CMIP: variants seen among roughly 807,000 people sequenced by gnomAD.
CMIP encodes C-Maf-inducing protein.
Under a neutral mutation model 97.3 loss-of-function variants are expected in CMIP, and 13 were observed. That is an observed-to-expected ratio of 0.13 (90% confidence interval 0.09 to 0.21). The LOEUF is 0.21. CMIP is among the 10% of genes least tolerant of loss of function. The pLI is 1.00. For missense variants in CMIP, 847 were observed against 1,024.9 expected (o/e 0.83, Z 2.37); for synonymous variants, 538 against 436.3 (o/e 1.23, Z -2.91).
intron 6 of CMIP, among the ~76,000 whole-genome samples, chr16:81,663,299 TA>T (rs34171718): frequency 1.4e-4 from 20 of 144,394 alleles, no homozygotes; most frequent in Non-Finnish European, 1.7e-4. Flanking sequence ...TATTCAGCAC[TA>T]AAAAAAAAAA....
At chr16:81,485,187 A>G (rs1249176607) in intron 1 of CMIP, among the ~76,000 whole-genome samples, 1 of 152,190 alleles carries the variant, frequency 6.6e-6, no homozygotes, top group Non-Finnish European at 1.5e-5. Flanking sequence ...AGAATGTATT[A>G]AGCTACTTTC....
intron 1 of CMIP, among the ~76,000 whole-genome samples, chr16:81,603,233 C>G (rs887236953): frequency 1.3e-5 from 2 of 152,158 alleles, no homozygotes; most frequent in African/African-American, 4.8e-5. Context: ...GCACCCGCCA[C>G]CACGCCTGGC....
At chr16:81,568,039 GTTTTTTTTTTTT>G (rs1555531346) in intron 1 of CMIP, among the ~76,000 whole-genome samples, 4 of 82,546 alleles carry the variant, frequency 4.8e-5, no homozygotes, top group Non-Finnish European at 9.2e-5. Context: ...GTGTGTGTGT[GTTTTTTTTTTTT>G]TTTTTTTTTG....
intron 1 of CMIP, among the ~76,000 whole-genome samples, chr16:81,505,032 A>C (rs2966094): frequency 0.74 from 112,152 of 152,250 alleles, 42,189 homozygotes; most frequent in African/African-American, 0.88. Context: ...GCAGCTGCTC[A>C]ACACACCTGA....
intron 1 of CMIP, among the ~76,000 whole-genome samples, chr16:81,547,950 C>T (rs1016295299): frequency 3.9e-5 from 6 of 152,192 alleles, no homozygotes; most frequent in South Asian, 2.1e-4. Context: ...AACTCGCAGC[C>T]TCTGATCCCA....
intron 1 of CMIP, among the ~76,000 whole-genome samples, chr16:81,561,792 C>T (rs1423050197): frequency 6.6e-6 from 1 of 152,180 alleles, no homozygotes; most frequent in Admixed American, 6.5e-5. Context: ...TTAATTGAAG[C>T]AATAAAGTTG....
chr16:81,639,788 T>C (rs1029664744), intron 3 of CMIP, among the ~76,000 whole-genome samples: 2 of 152,158 alleles, frequency 1.3e-5, no homozygotes, highest in Non-Finnish European at 1.5e-5. Flanking sequence ...CCAACACCAG[T>C]CTGATGGGAT....
In CMIP at chr16:81,652,085, A is replaced by C; in HGVS notation, c.478-118A>C. The C allele has an allele frequency of 2.7e-6, 2 of 744,910 alleles. No homozygotes were observed. Among genetic ancestry groups the C allele is most frequent in the Non-Finnish European group, 4.4e-6 (2 of 455,480 alleles). 46.1% of individuals were successfully genotyped at this position (744,910 alleles called of 1,614,324 possible). A position where few individuals can be genotyped will look rare whatever the true frequency, so the allele number is the denominator to read the frequency against. ...TTCCTTATAAACGGGGACTGGGCCA[A>C]GTTGTCAGTTTCTCAGGGCCCTTTA... On this transcript the variant is annotated intron_variant, in intron 3 of 20. Transcript: ENST00000537098. This position sits in a 1 kb window ranked among gnomAD's most constrained non-coding sequence, Gnocchi z 5.2.
At chr16:81,607,274 C>T (rs974337961) in intron 1 of CMIP, among the ~76,000 whole-genome samples, 3 of 152,218 alleles carry the variant, frequency 2.0e-5, no homozygotes, top group South Asian at 2.1e-4. Flanking sequence ...GCTGGCCCCG[C>T]GGATACCAAG....
intron 3 of CMIP, chr16:81,645,530 G>T (rs2092354683): frequency 1.3e-6 from 2 of 1,535,992 alleles, no homozygotes; most frequent in Non-Finnish European, 1.7e-6. Flanking sequence ...GCTTTCCCTG[G>T]CCTGAGAACC....
intron 10 of CMIP, among the ~76,000 whole-genome samples, chr16:81,687,920 A>G (rs1008813467): frequency 1.3e-5 from 2 of 152,210 alleles, no homozygotes; most frequent in Non-Finnish European, 2.9e-5. Context: ...GTGAATTGCC[A>G]TACTGCTCCT....
At position 81,611,765 on chromosome 16, in the gene CMIP, A is replaced by T. The variant is rs563370005; in HGVS notation, c.426+4073A>T. The stretch of plus-strand genomic sequence containing the variant: ...TCTGTCTTCTAAGGAGCTCTTTGTA[A>T]AACTCTTACTTTGTTAGAATTTGAA... On this transcript the variant is annotated intron_variant, in intron 2 of 20. Coordinates refer to ENST00000537098, the MANE Select transcript of CMIP (RefSeq NM_198390.3). Among the ~76,000 whole-genome samples the T allele has an allele frequency of 2.6e-5, 4 of 152,112 alleles. 1 individual carries two copies. In the East Asian group the frequency reaches 7.8e-4, roughly 29 times the overall value.
intron 1 of CMIP, among the ~76,000 whole-genome samples, chr16:81,542,154 A>G (rs2090461286): frequency 6.6e-6 from 1 of 152,212 alleles, no homozygotes; most frequent in South Asian, 2.1e-4. Flanking sequence ...GTAGATGCTG[A>G]GAGGCAGACT....
chr16:81,525,088 G>A (rs962565241), intron 1 of CMIP, among the ~76,000 whole-genome samples: 14 of 150,392 alleles, frequency 9.3e-5, no homozygotes, highest in African/African-American at 2.9e-4. Flanking sequence ...GAGCCACCAT[G>A]CCTGGCCCCT....
At position 81,629,661 on chromosome 16, in the gene CMIP, G is replaced by A. The variant is rs547713597; in HGVS notation, c.477+8735G>A. ...CCTCCGAGGCTGCGTCCATCTTCAC[G>A]CAGCCATTTTAGCAGCTGTGGCCAG... On this transcript the variant is annotated intron_variant, in intron 3 of 20. Transcript: ENST00000537098. 4.6e-5 allele frequency among the ~76,000 whole-genome samples: 7 copies of A among 152,284 alleles called. No individual in the cohort carries two copies. The East Asian group carries it at 5.8e-4, about 13-fold the overall frequency.
At chr16:81,530,598 A>G (rs555607348) in intron 1 of CMIP, among the ~76,000 whole-genome samples, 5 of 151,978 alleles carry the variant, frequency 3.3e-5, no homozygotes, top group African/African-American at 9.6e-5. Flanking sequence ...GCCTTTATTC[A>G]GCTTTCCTCA....
chr16:81,649,375 C>G (rs554083826), intron 3 of CMIP, among the ~76,000 whole-genome samples: 1 of 152,384 alleles, frequency 6.6e-6, no homozygotes, highest in Admixed American at 6.5e-5. Context: ...GTGTCTGAAA[C>G]TGCGTTGGTG....
intron 2 of CMIP, 185 bp from the exon 3 acceptor site, chr16:81,620,691 A>G (rs1172649796): frequency 4.9e-6 from 3 of 606,918 alleles, no homozygotes; most frequent in African/African-American, 3.7e-5. Context: ...CTCCCTGACC[A>G]GCCCTTCTGT....
chr16:81,511,453 C>T (rs1048269466), intron 1 of CMIP, among the ~76,000 whole-genome samples: 1 of 152,200 alleles, frequency 6.6e-6, no homozygotes, highest in African/African-American at 2.4e-5. Context: ...TAGTCATCTG[C>T]CCTGTAGAAT....
Sources: allele counts gnomAD v4.1 joint callset (sites outside exome capture counted in the v4.1 genomes callset), GRCh38; gene constraint gnomAD v4.1.1; non-coding constraint Gnocchi (gnomAD v3.1); transcripts MANE v1.5; gene names NCBI Gene and HGNC (gene_info 2026-07-23, HGNC 2026-07-21).